Variants in CAPN2 observed in about 807,000 individuals in gnomAD.
CAPN2 encodes the protein calpain 2.
CAPN2 carries 92 observed loss-of-function variants against 102.3 expected under a neutral mutation model. That is an observed-to-expected ratio of 0.90 (90% CI 0.76 to 1.07). The LOEUF is 1.07. Among genes scored for constraint, CAPN2 ranks in the 50% least tolerant of loss-of-function variants. CAPN2 has a pLI of 0.00. For synonymous variants in CAPN2, 340 were observed against 355.4 expected, an observed-to-expected ratio of 0.96 and a Z score of 0.49; for missense variants, 800 against 909.4, an observed-to-expected ratio of 0.88 and a Z score of 1.55.
At chr1:223,749,799 G>C (rs1660840562) in intron 6 of CAPN2, among the ~76,000 whole-genome samples, 1 of 152,118 alleles carries the variant, frequency 6.6e-6, no homozygotes, top group African/African-American at 2.4e-5. Context: ...AGGATCACTC[G>C]AGCCTAGGAG....
chr1:223,760,569 T>C (rs1335233215), intron 12 of CAPN2, among the ~76,000 whole-genome samples: 1 of 152,152 alleles, frequency 6.6e-6, no homozygotes, highest in Non-Finnish European at 1.5e-5. Context: ...TCCTCTCAGC[T>C]CTGAGGATGC....
chr1:223,752,079 T>A lies in CAPN2; in HGVS notation c.974+8T>A. The stretch of plus-strand genomic sequence containing the variant: ...TGAAGATGGAGAATTCTGGTAAGAT[T>A]AGTGGAGGCTTCAGGGAAAGCTCTG... On this transcript the variant is annotated splice_region_variant and intron_variant, in intron 8 of 20. Coordinates refer to ENST00000295006, the MANE Select transcript of CAPN2 (RefSeq NM_001748.5). 6.3e-7 allele frequency: 1 copy of A among 1,592,138 alleles called. No homozygotes were observed. Among genetic ancestry groups the A allele is most frequent in the Non-Finnish European group, 8.6e-7 (1 of 1,160,748 alleles).
At chr1:223,719,369 T>C (rs1344967872) in intron 2 of CAPN2, among the ~76,000 whole-genome samples, 1 of 152,024 alleles carries the variant, frequency 6.6e-6, no homozygotes, top group Non-Finnish European at 1.5e-5. Context: ...AAACCCTGTC[T>C]CTACTAAAAA....
chr1:223,745,525 C>G (rs1660733119), intron 4 of CAPN2, 86 bp downstream of exon 4: 5 of 1,509,068 alleles, frequency 3.3e-6, no homozygotes, highest in South Asian at 1.1e-5. Context: ...AATCTCAGCA[C>G]TTTGGGAGGC....
intron 2 of CAPN2, among the ~76,000 whole-genome samples, chr1:223,724,092 T>C (rs1027773260): frequency 4.6e-5 from 7 of 152,140 alleles, no homozygotes; most frequent in Non-Finnish European, 8.8e-5. Context: ...CAGATTTTCC[T>C]GATGCCCCAC....
In CAPN2 at chr1:223,726,510, A is replaced by G. The variant is rs1010830318; in HGVS notation, c.307+8679A>G. 2.0e-5 allele frequency among the ~76,000 whole-genome samples: 3 copies of G among 152,198 alleles called. No individual in the cohort carries two copies. Among genetic ancestry groups the G allele is most frequent in the Non-Finnish European group, 4.4e-5 (3 of 68,034 alleles). The stretch of plus-strand genomic sequence containing the variant: ...CCTTCTGGTCCAGGGCACGGCTGAG[A>G]CAGGCAAGGGACTAGAGAGAGGAAG... On this transcript the variant is annotated intron_variant, in intron 2 of 20. Coordinates refer to ENST00000295006, the MANE Select transcript of CAPN2 (RefSeq NM_001748.5). The surrounding 1 kb of genome is among the most constrained non-coding windows in gnomAD (Gnocchi z 4.4).
rs751443760 is a variant in CAPN2 at position 223,771,836 on chromosome 1, A to C, written c.1931A>C (p.Gln644Pro). 1 of 1,613,866 alleles carries C rather than the reference A, an allele frequency of 6.2e-7. No homozygotes were observed. The highest frequency in any genetic ancestry group is 8.5e-7 in the Non-Finnish European group (1 of 1,179,716). The change falls in exon 19 of 21, where the codon CAA becomes CCA. Residue 644 changes from glutamine to proline, a missense_variant. Physicochemically the swap from Gln to Pro is moderately conservative, Grantham distance 76. Transcript: ENST00000295006. The stretch of plus-strand genomic sequence containing the variant: ...TTCAAGATGCCCTGTCAACTCCACC[A>C]AGTCATCGTTGCTCGGTTTGCAGAT... ...AGFKMPCQLH[Q>P]VIVARFADDQ...
intron 6 of CAPN2, 46 bp from the exon 7 acceptor site, chr1:223,750,844 G>T: frequency 6.5e-7 from 1 of 1,530,506 alleles, no homozygotes; most frequent in South Asian, 1.2e-5. Flanking sequence ...TCATAGCCCT[G>T]ACTTGAACTC....
intron 11 of CAPN2, 142 bp downstream of exon 11, chr1:223,757,522 C>G: frequency 1.1e-6 from 1 of 870,114 alleles, no homozygotes. Flanking sequence ...TGGGGCCCTG[C>G]TGAAGTTGCC....
chr1:223,719,515 G>A (rs1659991195), intron 2 of CAPN2, among the ~76,000 whole-genome samples: 1 of 152,026 alleles, frequency 6.6e-6, no homozygotes, highest in African/African-American at 2.4e-5. Flanking sequence ...CTTCAGCCGG[G>A]GTGACAGAGA....
At chr1:223,722,285 T>C (rs1024928207) in intron 2 of CAPN2, among the ~76,000 whole-genome samples, 3 of 94,034 alleles carry the variant, frequency 3.2e-5, no homozygotes, top group Non-Finnish European at 4.6e-5. Flanking sequence ...TTCTTTCTTT[T>C]TTTTTTTTTT....
intron 7 of CAPN2, among the ~76,000 whole-genome samples, chr1:223,751,245 T>C (rs28370074): frequency 0.098 from 14,950 of 152,058 alleles, 796 homozygotes; most frequent in African/African-American, 0.15. Context: ...ACCCCTTCCC[T>C]AGCTCAAATC....
At chr1:223,711,119 A>G (rs1323754039), upstream of CAPN2, among the ~76,000 whole-genome samples, 2 of 152,216 alleles carry the variant, frequency 1.3e-5, no homozygotes, top group African/African-American at 2.4e-5. Flanking sequence ...AAAGGCCAGT[A>G]GCACCTCATC....
Position 223,731,241 on chromosome 1 carries a change from A to C in CAPN2, c.308-12859A>C, listed in dbSNP as rs955893682. ...TTGGAGGGTCTGGTGCAGAAGGGGA[A>C]AGGAAGAGAAGGAAGTTTGGCTTAA... On this transcript the variant is annotated intron_variant, in intron 2 of 20. Coordinates refer to ENST00000295006, the MANE Select transcript of CAPN2 (RefSeq NM_001748.5). The surrounding 1 kb of genome is among the most constrained non-coding windows in gnomAD (Gnocchi z 4.2). Among the ~76,000 whole-genome samples, 5 of 152,142 alleles carry C rather than the reference A, an allele frequency of 3.3e-5. No individual in the cohort carries two copies. The highest frequency in any genetic ancestry group is 4.8e-5 in the African/African-American group (2 of 41,420).
intron 2 of CAPN2, among the ~76,000 whole-genome samples, chr1:223,720,524 G>T (rs1204954162): frequency 6.6e-6 from 1 of 151,730 alleles, no homozygotes; most frequent in Non-Finnish European, 1.5e-5. Flanking sequence ...GCCATGTTGC[G>T]CAGGCTGGTC....
intron 2 of CAPN2, among the ~76,000 whole-genome samples, chr1:223,740,166 T>C (rs1023285345): frequency 3.3e-5 from 5 of 152,204 alleles, no homozygotes; most frequent in African/African-American, 1.2e-4. Flanking sequence ...AGGAACCCTC[T>C]TGTGGACATG....
chr1:223,762,346 GAAAC>G, intron 14 of CAPN2, 95 bp downstream of exon 14: 1 of 965,408 alleles, frequency 1.0e-6, no homozygotes, highest in Non-Finnish European at 1.6e-6. Flanking sequence ...AAGGGGAGAG[GAAAC>G]AAACTGAACA....
At chr1:223,767,387 T>A (rs1377548685) in intron 16 of CAPN2, among the ~76,000 whole-genome samples, 1 of 128,930 alleles carries the variant, frequency 7.8e-6, no homozygotes, top group African/African-American at 3.0e-5. Context: ...CCCCTTCCTG[T>A]GTCCATGTGT....
upstream of CAPN2, among the ~76,000 whole-genome samples, chr1:223,707,669 C>T (rs771001925): frequency 9.9e-5 from 15 of 152,182 alleles, no homozygotes; most frequent in African/African-American, 3.4e-4. Context: ...ATGTGCGCAG[C>T]GATCCCTAGA....
Sources: allele counts gnomAD v4.1 joint callset (sites outside exome capture counted in the v4.1 genomes callset), GRCh38; gene constraint gnomAD v4.1.1; non-coding constraint Gnocchi (gnomAD v3.1); transcripts MANE v1.5; gene names NCBI Gene and HGNC (gene_info 2026-07-23, HGNC 2026-07-21).